SIL1: variants seen among roughly 807,000 people sequenced by gnomAD.
The protein encoded by SIL1 is nucleotide exchange factor SIL1.
Under a neutral mutation model 49.1 loss-of-function variants are expected in SIL1, and 40 were observed. The ratio of observed to expected loss-of-function variants is 0.81; its 90% CI spans 0.63 to 1.06. The LOEUF is 1.06. Ranked by LOEUF, SIL1 falls within the 50% of genes least tolerant of loss-of-function variation. The pLI is 0.00. For missense variants in SIL1, 500 were observed against 572.6 expected (o/e 0.87, Z 1.29); for synonymous variants, 253 against 250.8 (o/e 1.01, Z -0.08).
intron 7 of SIL1, among the ~76,000 whole-genome samples, chr5:138,980,499 T>C (rs1390963240): frequency 6.6e-6 from 1 of 152,130 alleles, no homozygotes; most frequent in Admixed American, 6.5e-5. Context: ...AACTCATCAG[T>C]TGCAGCATCA....
chr5:139,048,691 TAAGAA>T (rs1397906738), intron 4 of SIL1, among the ~76,000 whole-genome samples: 1 of 152,196 alleles, frequency 6.6e-6, no homozygotes, highest in Non-Finnish European at 1.5e-5. Flanking sequence ...ATTCATAAGC[TAAGAA>T]AAGAATAGAT....
chr5:139,056,875 A>C (rs1228107850), intron 3 of SIL1, among the ~76,000 whole-genome samples: 1 of 151,936 alleles, frequency 6.6e-6, no homozygotes, highest in East Asian at 1.9e-4. Context: ...TGGAATAGAA[A>C]GGGGGGAAAG....
In SIL1 at chr5:138,991,603, C is replaced by T. The variant is rs912325430; in HGVS notation, c.767+29568G>A. On this transcript the variant is annotated intron_variant, in intron 7 of 9. Transcript: ENST00000394817. ...GCACAGGCTGCAAAGCAGGGCTGGT[C>T]ATCATCAGGGTACAGGGTCGATATT... Among the ~76,000 whole-genome samples the T allele has an allele frequency of 3.9e-5, 6 of 152,364 alleles. No individual in the cohort carries two copies. In the East Asian group the frequency reaches 1.2e-3, roughly 29 times the overall value.
intron 7 of SIL1, chr5:139,016,859 T>A (rs541232964): frequency 6.6e-6 from 1 of 150,830 alleles, no homozygotes; most frequent in Non-Finnish European, 1.5e-5. Context: ...CTTTTTTTTT[T>A]CCCCCCTGAC....
At chr5:139,161,903 C>T (rs951666799) in intron 1 of SIL1, among the ~76,000 whole-genome samples, 16 of 151,782 alleles carry the variant, frequency 1.1e-4, no homozygotes, top group African/African-American at 3.6e-4. Context: ...GTCCCCACTA[C>T]TTGGGAGGCT....
intron 7 of SIL1, among the ~76,000 whole-genome samples, chr5:138,996,304 C>T (rs1767869564): frequency 6.6e-6 from 1 of 152,122 alleles, no homozygotes; most frequent in African/African-American, 2.4e-5. Flanking sequence ...TTTTCATATA[C>T]CTGTTGGCCA....
At chr5:139,009,189 T>C (rs1314410173) in intron 7 of SIL1, among the ~76,000 whole-genome samples, 10 of 146,540 alleles carry the variant, frequency 6.8e-5, no homozygotes, top group Non-Finnish European at 1.2e-4. Context: ...GCTCTTCTTG[T>C]TGAATTGATC....
chr5:139,026,005 T>TC (rs1323177255), intron 6 of SIL1, among the ~76,000 whole-genome samples: 1 of 152,006 alleles, frequency 6.6e-6, no homozygotes, highest in Non-Finnish European at 1.5e-5. Flanking sequence ...CCTGCTCTAG[T>TC]CCCCCCTCTT....
At chr5:139,197,199 C>T (rs576888196) in intron 1 of SIL1, among the ~76,000 whole-genome samples, 16 of 129,406 alleles carry the variant, frequency 1.2e-4, no homozygotes, top group African/African-American at 3.8e-4. Flanking sequence ...ACCTGGGAGG[C>T]GGAGGTTGCT....
intron 1 of SIL1, among the ~76,000 whole-genome samples, chr5:139,145,715 G>T (rs1401630270): frequency 6.8e-6 from 1 of 146,818 alleles, no homozygotes; most frequent in Non-Finnish European, 1.5e-5. Context: ...CCTCAAAAAG[G>T]AATGAAGTTC....
intron 7 of SIL1, among the ~76,000 whole-genome samples, chr5:138,978,410 T>C (rs1222829063): frequency 6.6e-6 from 1 of 152,246 alleles, no homozygotes; most frequent in African/African-American, 2.4e-5. Flanking sequence ...ATTGTATGGA[T>C]ATACTACATT....
intron 1 of SIL1, among the ~76,000 whole-genome samples, chr5:139,140,236 C>T (rs1187849177): frequency 1.3e-5 from 2 of 151,566 alleles, no homozygotes. Context: ...AGCCACTGCC[C>T]TCCAGCCTGG....
intron 7 of SIL1, among the ~76,000 whole-genome samples, chr5:138,971,569 T>C (rs1245879212): frequency 6.6e-6 from 1 of 152,126 alleles, no homozygotes; most frequent in African/African-American, 2.4e-5. Context: ...ACCATAAAGA[T>C]TAACTCCCCT....
intron 7 of SIL1, among the ~76,000 whole-genome samples, chr5:139,010,783 G>C (rs902303285): frequency 1.3e-5 from 2 of 152,022 alleles, no homozygotes; most frequent in African/African-American, 4.8e-5. Context: ...TCGGGGGTCA[G>C]GGGTCAGGGA....
At chr5:139,148,834 C>T (rs1434719564) in intron 1 of SIL1, among the ~76,000 whole-genome samples, 1 of 152,192 alleles carries the variant, frequency 6.6e-6, no homozygotes, top group Non-Finnish European at 1.5e-5. Context: ...CTTCCTACAC[C>T]TTCTATTTTG....
chr5:139,096,309 G>A (rs202061977), intron 3 of SIL1, among the ~76,000 whole-genome samples: 18 of 152,276 alleles, frequency 1.2e-4, no homozygotes, highest in African/African-American at 3.4e-4. Flanking sequence ...AAACCTTGCC[G>A]CCACAGGCTA....
chr5:138,978,169 G>C (rs1048283300), intron 7 of SIL1, among the ~76,000 whole-genome samples: 19 of 151,746 alleles, frequency 1.3e-4, no homozygotes, highest in African/African-American at 4.4e-4. Context: ...CAATTTTAAG[G>C]CATTTTCATT....
intron 1 of SIL1, among the ~76,000 whole-genome samples, chr5:139,143,403 T>G (rs889089944): frequency 6.7e-5 from 10 of 150,006 alleles, no homozygotes; most frequent in Non-Finnish European, 1.2e-4. Context: ...GGAGTTTCGC[T>G]CTTGTTGCCC....
At chr5:139,166,812 G>A (rs777847410) in intron 1 of SIL1, among the ~76,000 whole-genome samples, 39 of 151,152 alleles carry the variant, frequency 2.6e-4, no homozygotes, top group Non-Finnish European at 5.2e-4. Flanking sequence ...ACCTGGCAAT[G>A]TTTTTGTTTT....
Sources: gnomAD v4.1 joint callset for allele counts (sites outside exome capture counted in the v4.1 genomes callset) on GRCh38, gnomAD v4.1.1 for gene constraint, MANE v1.5 for transcripts, NCBI Gene and HGNC (gene_info 2026-07-23, HGNC 2026-07-21) for gene names.